Variants in CDCP2 observed in about 807,000 individuals in gnomAD.
CDCP2 encodes CUB domain containing protein 2, also known as CUB domain-containing protein 2.
A neutral mutation model predicts 31.0 loss-of-function variants in CDCP2; 31 were observed. The ratio of observed to expected loss-of-function variants is 1.00; its 90% CI spans 0.75 to 1.35. The LOEUF is 1.35. Ranked by LOEUF, CDCP2 falls within the 40% of genes most tolerant of loss-of-function variation. The pLI is 0.00. For synonymous variants in CDCP2, 206 were observed against 207.9 expected (o/e 0.99, Z 0.08); for missense variants, 443 against 482.6 (o/e 0.92, Z 0.77).
chr1:54,132,740 A>C (rs1443027588), downstream of CDCP2: 3 of 389,462 alleles, frequency 7.7e-6, no homozygotes, highest in Non-Finnish European at 9.1e-6. Context: ...ATATACATAC[A>C]CAGCATGCTA....
intron 2 of CDCP2, 61 bp from the exon 3 acceptor site, chr1:54,141,494 T>C: frequency 2.1e-6 from 3 of 1,448,438 alleles, no homozygotes; most frequent in East Asian, 2.3e-5. Flanking sequence ...GTTTCCTCCC[T>C]TGGGAACAAG....
chr1:54,152,731 C>A, intron 1 of CDCP2, 113 bp downstream of exon 1: 1 of 932,462 alleles, frequency 1.1e-6, no homozygotes, highest in South Asian at 1.6e-5. Context: ...AGCCACGTCC[C>A]CTAAAAGGAC....
At chr1:54,140,879 GA>G (rs1458035606) in intron 3 of CDCP2, 21 of 436,856 alleles carry the variant, frequency 4.8e-5, no homozygotes, top group African/African-American at 1.0e-4. Flanking sequence ...ATAAGGAGTT[GA>G]AAAAAGGATT....
chr1:54,136,706 C>G (rs940254984), exon 5 of CDCP2: 34 of 399,082 alleles, frequency 8.5e-5, no homozygotes, highest in Middle Eastern at 6.2e-4. Context: ...GGCACAGCTC[C>G]GGCTGCCCAG....
chr1:54,141,574 C>T, intron 2 of CDCP2, 141 bp from the exon 3 acceptor site: 2 of 697,324 alleles, frequency 2.9e-6, no homozygotes, highest in South Asian at 4.0e-5. Flanking sequence ...CACCTGCTAC[C>T]CAAGTAGCAA....
Position 54,133,355 on chromosome 1 carries a change from T to G in CDCP2, c.1297-61A>C, listed in dbSNP as rs1293136116. On this transcript the variant is annotated intron_variant, in intron 5 of 5. Transcript: ENST00000530059. The stretch of plus-strand genomic sequence containing the variant: ...AGCTTGGGCTGAACTTGTTTCCCTA[T>G]ATATGTGGGGTTCTCAGTACCAGGG... 1.3e-5 allele frequency: 5 copies of G among 398,276 alleles called. No homozygotes were observed. The East Asian group carries it at 1.4e-4, about 11-fold the overall frequency. 24.7% of individuals were successfully genotyped at this position (398,276 alleles called of 1,614,324 possible). A position where few individuals can be genotyped will look rare whatever the true frequency, so the allele number is the denominator to read the frequency against.
rs867624673 is a variant in CDCP2, at chr1:54,141,642, G to C, written c.428-209C>G. ...CCTATGCTGCCTGTTCAAATCCTCA[G>C]AGTAGCCGCACAAGGACTGTGCTGC... On this transcript the variant is annotated intron_variant, in intron 2 of 5. Transcript: ENST00000530059. 2.8e-5 allele frequency: 15 copies of C among 533,380 alleles called. 1 individual carries two copies. In the Middle Eastern group the frequency reaches 1.9e-3, roughly 68 times the overall value. The allele number at this position is 533,380 out of a possible 1,614,324, so 33.0% of individuals were successfully genotyped here.
chr1:54,137,370 G>T (rs1659275623), intron 4 of CDCP2, among the ~76,000 whole-genome samples: 1 of 152,206 alleles, frequency 6.6e-6, no homozygotes, highest in African/African-American at 2.4e-5. Context: ...AACAGCGGGA[G>T]AGTAGAGCGA....
chr1:54,144,285 C>T lies in CDCP2; in HGVS notation c.427+181G>A. ...CAGCCTACGTGCCAAGATGCTGAGACCCTGTAGGTCTCACCTGAGCCCTGC... is the reference window on the plus strand; with the variant it reads ...CAGCCTACGTGCCAAGATGCTGAGATCCTGTAGGTCTCACCTGAGCCCTGC... On this transcript the variant is annotated intron_variant, in intron 2 of 5. Coordinates refer to ENST00000530059, the Ensembl canonical transcript of CDCP2. The T allele has an allele frequency of 8.5e-6, 5 of 587,398 alleles. No individual in the cohort carries two copies. The South Asian group carries it at 1.1e-4, about 13-fold the overall frequency. The allele number at this position is 587,398 out of a possible 1,614,324, so 36.4% of individuals were successfully genotyped here.
intron 4 of CDCP2, chr1:54,138,835 G>A (rs1055941995): frequency 2.0e-5 from 3 of 152,370 alleles, no homozygotes; most frequent in African/African-American, 7.2e-5. Flanking sequence ...CAGCACCTCT[G>A]TTGCTATACC....
intron 1 of CDCP2, among the ~76,000 whole-genome samples, chr1:54,146,805 G>T (rs2100430351): frequency 6.6e-6 from 1 of 151,862 alleles, no homozygotes; most frequent in Non-Finnish European, 1.5e-5. Context: ...GAAAGACACA[G>T]AAACCTGGCC....
intron 2 of CDCP2, chr1:54,142,042 T>C (rs937087897): frequency 6.6e-6 from 1 of 152,252 alleles, no homozygotes; most frequent in African/African-American, 2.4e-5. Context: ...ACTGTGGAGG[T>C]TGGCAGAAGC....
chr1:54,150,853 C>T (rs1346714863), intron 1 of CDCP2, among the ~76,000 whole-genome samples: 1 of 152,202 alleles, frequency 6.6e-6, no homozygotes. Context: ...TTAACCAAAT[C>T]CCTATAAGAG....
chr1:54,151,360 T>A (rs1029800382), intron 1 of CDCP2, among the ~76,000 whole-genome samples: 7 of 152,210 alleles, frequency 4.6e-5, no homozygotes, highest in Non-Finnish European at 1.0e-4. Flanking sequence ...CATGCCTTTA[T>A]GGCAAAAGGA....
rs768204810 is a variant in CDCP2 at position 54,141,477 on chromosome 1, G to T, written c.428-44C>A. The stretch of plus-strand genomic sequence containing the variant: ...GAGCTGACCTTTCTTTCTCCTTGTG[G>T]CTCCCAGTTTCCTCCCTTGGGAACA... On this transcript the variant is annotated intron_variant, in intron 2 of 5. Coordinates refer to ENST00000530059, the Ensembl canonical transcript of CDCP2. The T allele has an allele frequency of 6.6e-6, 10 of 1,524,518 alleles. 1 individual carries two copies. The South Asian group carries it at 1.3e-4, about 19-fold the overall frequency. 94.4% of individuals were successfully genotyped at this position (1,524,518 alleles called of 1,614,324 possible).
intron 2 of CDCP2, chr1:54,142,024 A>C (rs1354072985): frequency 2.0e-5 from 3 of 152,406 alleles, no homozygotes; most frequent in Non-Finnish European, 4.4e-5. Flanking sequence ...AAAGCCCTCC[A>C]GCATAGAACT....
At chr1:54,151,873 A>G (rs1035724248) in intron 1 of CDCP2, among the ~76,000 whole-genome samples, 1 of 152,038 alleles carries the variant, frequency 6.6e-6, no homozygotes, top group Admixed American at 6.6e-5. Flanking sequence ...CGACGGAGGG[A>G]GTGGTATTTG....
At chr1:54,139,338 T>A in intron 4 of CDCP2, 1 of 587,918 alleles carries the variant, frequency 1.7e-6, no homozygotes, top group Non-Finnish European at 3.0e-6. Flanking sequence ...TTTCAATGAG[T>A]AGTTCTGAAT....
At chr1:54,152,084 G>A (rs772860255) in intron 1 of CDCP2, among the ~76,000 whole-genome samples, 2 of 152,122 alleles carry the variant, frequency 1.3e-5, no homozygotes, top group Non-Finnish European at 2.9e-5. Context: ...CACACTCAGA[G>A]GGCACTGAAT....
Sources: gnomAD v4.1 joint callset for allele counts (sites outside exome capture counted in the v4.1 genomes callset) on GRCh38, gnomAD v4.1.1 for gene constraint, MANE v1.5 for transcripts, NCBI Gene and HGNC (gene_info 2026-07-23, HGNC 2026-07-21) for gene names.